EXOSC9: variants seen among roughly 807,000 people sequenced by gnomAD.
The protein encoded by EXOSC9 is exosome component 9, also known as exosome complex component RRP45.
In EXOSC9, 38 loss-of-function variants were observed where a neutral mutation model predicts 56.5. The observed-to-expected ratio is 0.67, with a 90% CI of 0.52 to 0.88. EXOSC9 has a LOEUF of 0.88. EXOSC9 is among the 40% of genes least tolerant of loss of function. EXOSC9 has a pLI of 0.00. For synonymous variants in EXOSC9, 170 were observed against 170.8 expected, an observed-to-expected ratio of 0.99 and a Z score of 0.04; for missense variants, 559 against 530.5, an observed-to-expected ratio of 1.05 and a Z score of -0.53.
intron 10 of EXOSC9, chr4:121,814,296 A>T (rs1256241368): frequency 4.3e-6 from 1 of 230,406 alleles, no homozygotes; most frequent in African/African-American, 2.3e-5. Context: ...AAATATTGTG[A>T]TTTAAATTTC....
chr4:121,814,192 T>A, intron 10 of EXOSC9, 145 bp downstream of exon 10: 1 of 510,598 alleles, frequency 2.0e-6, no homozygotes, highest in East Asian at 3.0e-5. Flanking sequence ...TATAGAGATG[T>A]ATAGTGGATA....
intron 4 of EXOSC9, among the ~76,000 whole-genome samples, chr4:121,804,076 C>G (rs901966287): frequency 6.6e-6 from 1 of 152,070 alleles, no homozygotes; most frequent in Non-Finnish European, 1.5e-5. Flanking sequence ...TTATAGCTCA[C>G]TGTAATCTTA....
At chr4:121,814,091 A>T in intron 10 of EXOSC9, 44 bp downstream of exon 10, 1 of 1,181,472 alleles carries the variant, frequency 8.5e-7, no homozygotes, top group Non-Finnish European at 1.3e-6. Context: ...TTACATACAT[A>T]TAGTATTACC....
At chr4:121,812,468 T>C (rs17452156) in intron 8 of EXOSC9, among the ~76,000 whole-genome samples, 41,217 of 152,154 alleles carry the variant, frequency 0.27, 6,214 homozygotes, top group Non-Finnish European at 0.32. Context: ...GTAACCTATA[T>C]TGAAAAATCA....
At chr4:121,816,112 C>G (rs761028977) in intron 10 of EXOSC9, 3 of 638,558 alleles carry the variant, frequency 4.7e-6, no homozygotes, top group Middle Eastern at 4.1e-4. Flanking sequence ...CATGCCACCA[C>G]GCCTGGCTAA....
chr4:121,803,778 C>T (rs1726940497), intron 4 of EXOSC9, among the ~76,000 whole-genome samples: 1 of 152,142 alleles, frequency 6.6e-6, no homozygotes, highest in Non-Finnish European at 1.5e-5. Flanking sequence ...AAGTGATTCA[C>T]CTGCCTTGGC....
chr4:121,805,614 AT>A (rs993525782), intron 5 of EXOSC9, among the ~76,000 whole-genome samples: 1 of 152,182 alleles, frequency 6.6e-6, no homozygotes, highest in Non-Finnish European at 1.5e-5. Context: ...GGGAGTTTAT[AT>A]AAGGAAGTGA....
intron 7 of EXOSC9, among the ~76,000 whole-genome samples, 197 bp downstream of exon 7, chr4:121,810,296 T>G (rs759456734): frequency 6.6e-6 from 1 of 152,066 alleles, no homozygotes; most frequent in African/African-American, 2.4e-5. Flanking sequence ...CTTCCTACCT[T>G]GGTGCTCCCG....
intron 2 of EXOSC9, 93 bp from the exon 3 acceptor site, chr4:121,802,581 C>G (rs1578496104): frequency 1.7e-6 from 2 of 1,206,756 alleles, no homozygotes; most frequent in Non-Finnish European, 2.4e-6. Context: ...TATGATATTA[C>G]TCACATTAAG....
At chr4:121,804,536 A>G in intron 4 of EXOSC9, 86 bp from the exon 5 acceptor site, 1 of 855,480 alleles carries the variant, frequency 1.2e-6, no homozygotes, top group South Asian at 2.2e-5. Context: ...AAGAAAAAAT[A>G]ATTTGTACAC....
At chr4:121,813,161 T>A (rs761867034) in intron 8 of EXOSC9, 73 bp from the exon 9 acceptor site, 8 of 1,375,676 alleles carry the variant, frequency 5.8e-6, no homozygotes, top group Non-Finnish European at 7.9e-6. Context: ...ATAGTTTTTT[T>A]CCCTTCCTGT....
intron 8 of EXOSC9, among the ~76,000 whole-genome samples, chr4:121,812,155 C>A (rs186347816): frequency 1.5e-3 from 234 of 152,266 alleles, no homozygotes; most frequent in African/African-American, 5.2e-3. Context: ...CCACTTATTG[C>A]AAAATGCATC....
chr4:121,816,534 C>T, intron 11 of EXOSC9, 87 bp downstream of exon 11: 1 of 921,362 alleles, frequency 1.1e-6, no homozygotes. Context: ...CATCTTGCCA[C>T]ATGACTATAA....
In EXOSC9 at chr4:121,816,349, A is replaced by G; in HGVS notation, c.1157-20A>G. The G allele has an allele frequency of 8.4e-7, 1 of 1,185,978 alleles. No individual in the cohort carries two copies. The highest frequency in any genetic ancestry group is 1.2e-6 in the Non-Finnish European group (1 of 857,656). The allele number at this position is 1,185,978 out of a possible 1,614,324, so 73.5% of individuals were successfully genotyped here. A position where few individuals can be genotyped will look rare whatever the true frequency, so the allele number is the denominator to read the frequency against. The stretch of plus-strand genomic sequence containing the variant: ...TTGCTTAACTTTTTTTTTTTTTTTT[A>G]AATTAATAAAAAAACAAAGATGCTC... On this transcript the variant is annotated intron_variant, in intron 10 of 11. Coordinates refer to ENST00000243498, the MANE Select transcript of EXOSC9 (RefSeq NM_005033.3).
chr4:121,803,075 C>G lies in EXOSC9; in HGVS notation c.384+58C>G, dbSNP rs114270435. On this transcript the variant is annotated intron_variant, in intron 4 of 11. Coordinates refer to ENST00000243498, the MANE Select transcript of EXOSC9 (RefSeq NM_005033.3). ...GATGAATACTGTTGATCATGGATCC[C>G]GGTATCTATCCTTTTATTCTCAGAA... is the stretch of plus-strand genomic sequence containing the variant. 6 of 1,168,814 alleles carry G rather than the reference C, an allele frequency of 5.1e-6. No homozygotes were observed. The South Asian group carries it at 6.3e-5, about 12-fold the overall frequency. The allele number at this position is 1,168,814 out of a possible 1,614,324, so 72.4% of individuals were successfully genotyped here.
In EXOSC9 at chr4:121,801,869, A is replaced by T. The variant is rs1481694040; in HGVS notation, c.109A>T (p.Ile37Phe). Residue 37 changes from isoleucine (I) to phenylalanine (F), a missense_variant, in exon 2 of 12, where the codon ATC becomes TTC. By Grantham distance (21) the Ile-to-Phe change is conservative. Coordinates refer to ENST00000243498, the MANE Select transcript of EXOSC9 (RefSeq NM_005033.3). ...RQTYDYRNIR[I>F]SFGTDYGCCI... ...AACCTATGATTATAGGAACATCAGG[A>T]TCTCATTTGGAACAGATTACGGATG... 3.7e-6 allele frequency: 6 copies of T among 1,614,110 alleles called. No individual in the cohort carries two copies. Among genetic ancestry groups the T allele is most frequent in the South Asian group, 1.1e-5 (1 of 91,084 alleles).
chr4:121,802,602 G>A (rs545695118), intron 2 of EXOSC9, 72 bp from the exon 3 acceptor site: 1 of 1,448,618 alleles, frequency 6.9e-7, no homozygotes, highest in East Asian at 2.3e-5. Context: ...ATTGAAACTT[G>A]TTATCTGTTT....
chr4:121,802,599 C>A, intron 2 of EXOSC9, 75 bp from the exon 3 acceptor site: 1 of 1,448,540 alleles, frequency 6.9e-7, no homozygotes, highest in Non-Finnish European at 9.5e-7. Context: ...AAGATTGAAA[C>A]TTGTTATCTG....
chr4:121,804,485 T>G, intron 4 of EXOSC9, 137 bp from the exon 5 acceptor site: 1 of 510,092 alleles, frequency 2.0e-6, no homozygotes, highest in South Asian at 4.5e-5. Flanking sequence ...AATATATTTT[T>G]TGTTGACAAA....
Sources: gnomAD v4.1 joint callset for allele counts (sites outside exome capture counted in the v4.1 genomes callset) on GRCh38, gnomAD v4.1.1 for gene constraint, MANE v1.5 for transcripts, NCBI Gene and HGNC (gene_info 2026-07-23, HGNC 2026-07-21) for gene names.